The following DSTYK variants were observed in gnomAD, a reference collection of about 807,000 sequenced individuals.
The protein encoded by DSTYK is RIP-homologous kinase.
In DSTYK, 34 loss-of-function variants were observed where a neutral mutation model predicts 98.7. That is an observed-to-expected ratio of 0.34 (90% CI 0.26 to 0.46). The LOEUF is 0.46. DSTYK is among the 20% of genes least tolerant of loss of function. The probability of loss-of-function intolerance (pLI) is 1.00; values close to 1 mark genes in which losing one functional copy is unlikely to be tolerated. For missense variants in DSTYK, 962 were observed against 1,181.7 expected (o/e 0.81, Z 2.73); for synonymous variants, 462 against 457.3 (o/e 1.01, Z -0.13).
At chr1:205,173,506 GAT>G (rs781136025) in intron 2 of DSTYK, 1 of 150,986 alleles carries the variant, frequency 6.6e-6, no homozygotes, top group Non-Finnish European at 1.5e-5. Context: ...TTTTTTAAAA[GAT>G]ATAAATCAAC....
intron 2 of DSTYK, among the ~76,000 whole-genome samples, chr1:205,174,739 A>T (rs1471097289): frequency 1.5e-5 from 2 of 132,048 alleles, no homozygotes; most frequent in African/African-American, 5.6e-5. Flanking sequence ...TTTATTTTTA[A>T]TTTTTTTTTT....
At chr1:205,152,285 C>T (rs1657427454) in intron 10 of DSTYK, among the ~76,000 whole-genome samples, 2 of 152,214 alleles carry the variant, frequency 1.3e-5, no homozygotes, top group Admixed American at 6.5e-5. Context: ...TCAAGCGATT[C>T]TCCTGCCTCA....
At position 205,169,870 on chromosome 1, in the gene DSTYK, G is replaced by A. The variant is rs1240843256; in HGVS notation, c.655-38C>T. The A allele has an allele frequency of 1.9e-6, 3 of 1,555,544 alleles. No homozygotes were observed. The highest frequency in any genetic ancestry group is 2.3e-5 in the East Asian group (1 of 44,424). On this transcript the variant is annotated intron_variant, in intron 2 of 12. Coordinates refer to ENST00000367162, the MANE Select transcript of DSTYK (RefSeq NM_015375.3). The surrounding 1 kb of genome is among the most constrained non-coding windows in gnomAD (Gnocchi z 4.0). ...GGGGGTCATATATCAGCGCCTCAGG[G>A]TCAGAACCAATCCCTGTCTCCCCAA...
At chr1:205,176,114 G>A (rs1201832756) in intron 2 of DSTYK, among the ~76,000 whole-genome samples, 1 of 152,064 alleles carries the variant, frequency 6.6e-6, no homozygotes, top group Non-Finnish European at 1.5e-5. Flanking sequence ...CTTGTAGAAC[G>A]CATTCTGCAT....
chr1:205,198,220 G>A (rs1658925149), intron 1 of DSTYK, among the ~76,000 whole-genome samples: 1 of 151,746 alleles, frequency 6.6e-6, no homozygotes, highest in South Asian at 2.1e-4. Context: ...AAGAAAGAAA[G>A]AAACCAACAG....
chr1:205,191,433 C>G (rs1217481290), intron 1 of DSTYK, among the ~76,000 whole-genome samples: 1 of 152,202 alleles, frequency 6.6e-6, no homozygotes, highest in Non-Finnish European at 1.5e-5. Flanking sequence ...GCCACTCTGA[C>G]TAGCTCTGTG....
At chr1:205,208,008 G>C (rs1158480757) in intron 1 of DSTYK, among the ~76,000 whole-genome samples, 1 of 151,764 alleles carries the variant, frequency 6.6e-6, no homozygotes, top group Non-Finnish European at 1.5e-5. Flanking sequence ...TTCCCCAGCA[G>C]CTGGGATTAC....
intron 1 of DSTYK, among the ~76,000 whole-genome samples, chr1:205,205,203 C>T (rs1160260861): frequency 6.6e-6 from 1 of 152,072 alleles, no homozygotes; most frequent in Non-Finnish European, 1.5e-5. Context: ...CAGATGATAG[C>T]AAACTACCAC....
At chr1:205,162,332 C>T (rs1182056034) in intron 5 of DSTYK, 120 bp from the exon 6 acceptor site, 6 of 1,198,734 alleles carry the variant, frequency 5.0e-6, no homozygotes, top group Non-Finnish European at 6.9e-6. Flanking sequence ...AAGATGGGAG[C>T]CATACGAAGT....
chr1:205,205,289 A>C (rs2102483729), intron 1 of DSTYK, among the ~76,000 whole-genome samples: 1 of 152,088 alleles, frequency 6.6e-6, no homozygotes, highest in Middle Eastern at 3.4e-3. Context: ...CCCACCCCTA[A>C]GCCCCATAAA....
chr1:205,209,536 C>CCTTTT (rs1558631294), intron 1 of DSTYK, among the ~76,000 whole-genome samples: 19 of 47,638 alleles, frequency 4.0e-4, no homozygotes, highest in East Asian at 1.8e-3. Flanking sequence ...ATACTAAGAT[C>CCTTTT]ATGACAGGGT....
At chr1:205,153,512 A>G (rs1177402472) in intron 10 of DSTYK, among the ~76,000 whole-genome samples, 1 of 152,230 alleles carries the variant, frequency 6.6e-6, no homozygotes, top group African/African-American at 2.4e-5. Context: ...TCAAACAAAC[A>G]AACATACCAT....
chr1:205,154,906 C>T (rs1036927356), intron 10 of DSTYK, among the ~76,000 whole-genome samples: 50 of 152,112 alleles, frequency 3.3e-4, no homozygotes, highest in African/African-American at 1.1e-3. Context: ...GCATTTTGCC[C>T]CTGCCCTAGA....
At chr1:205,185,834 C>A (rs1425607596) in intron 2 of DSTYK, among the ~76,000 whole-genome samples, 2 of 151,972 alleles carry the variant, frequency 1.3e-5, no homozygotes, top group Non-Finnish European at 2.9e-5. Flanking sequence ...GCCACCCTGG[C>A]AAACATGGTG....
chr1:205,156,777 A>C (rs1303688248), intron 10 of DSTYK, among the ~76,000 whole-genome samples: 1 of 152,142 alleles, frequency 6.6e-6, no homozygotes, highest in Non-Finnish European at 1.5e-5. Flanking sequence ...GAGATCTGGG[A>C]GGGGCCAGGG....
intron 2 of DSTYK, among the ~76,000 whole-genome samples, chr1:205,182,734 A>T (rs1427592005): frequency 2.6e-5 from 4 of 151,548 alleles, no homozygotes; most frequent in Admixed American, 6.6e-5. Flanking sequence ...TGAACCTGGG[A>T]GGCAGAGGTT....
intron 1 of DSTYK, among the ~76,000 whole-genome samples, chr1:205,194,073 C>A (rs1282492334): frequency 6.6e-6 from 1 of 152,200 alleles, no homozygotes; most frequent in Non-Finnish European, 1.5e-5. Flanking sequence ...CAGTCTATTA[C>A]CATTAGATCA....
chr1:205,170,332 T>C (rs1658022041), intron 2 of DSTYK, among the ~76,000 whole-genome samples: 1 of 152,214 alleles, frequency 6.6e-6, no homozygotes, highest in Non-Finnish European at 1.5e-5. Context: ...CATATCCTTA[T>C]AGAGCCTTTC....
At chr1:205,153,744 G>T (rs567564304) in intron 10 of DSTYK, among the ~76,000 whole-genome samples, 5 of 150,222 alleles carry the variant, frequency 3.3e-5, no homozygotes, top group Non-Finnish European at 7.4e-5. Context: ...CTGTCACCAG[G>T]CTCCAGCCTG....
Sources: allele counts gnomAD v4.1 joint callset (sites outside exome capture counted in the v4.1 genomes callset), GRCh38; gene constraint gnomAD v4.1.1; non-coding constraint Gnocchi (gnomAD v3.1); transcripts MANE v1.5; gene names NCBI Gene and HGNC (gene_info 2026-07-23, HGNC 2026-07-21).